Variants in NPR1 observed in about 807,000 individuals in gnomAD.
NPR1 encodes the protein natriuretic peptide receptor 1.
Under a neutral mutation model 116.9 loss-of-function variants are expected in NPR1, and 57 were observed. That is an observed-to-expected ratio of 0.49 (90% CI 0.39 to 0.61). The LOEUF (loss-of-function observed/expected upper bound fraction) is 0.61. Ranked by LOEUF, NPR1 falls within the 20% of genes least tolerant of loss-of-function variation. NPR1 has a pLI of 0.00. For missense variants in NPR1, 1,096 were observed against 1,409.8 expected (o/e 0.78, Z 3.56); for synonymous variants, 555 against 601.6 (o/e 0.92, Z 1.13).
intron 20 of NPR1, among the ~76,000 whole-genome samples, chr1:153,691,518 C>T (rs1017908103): frequency 2.6e-5 from 4 of 152,126 alleles, no homozygotes; most frequent in Admixed American, 6.6e-5. Context: ...GGATCTAGTT[C>T]GGCAAATATT....
At position 153,682,604 on chromosome 1, in the gene NPR1, C is replaced by A. The variant is rs773559889; in HGVS notation, c.1263+15C>A. ...GTGCCTTCAGGGTAAGTTTGTGCAC[C>A]CAGAAGACAGTGCCAATTCCAAATG... On this transcript the variant is annotated intron_variant, in intron 5 of 21. Transcript: ENST00000368680. 4 of 1,595,676 alleles carry A rather than the reference C, an allele frequency of 2.5e-6. No homozygotes were observed. Among genetic ancestry groups the A allele is most frequent in the Non-Finnish European group, 3.4e-6 (4 of 1,163,548 alleles).
chr1:153,679,504 G>T lies in NPR1; in HGVS notation c.396G>T (p.Trp132Cys). The change falls in exon 1 of 22, where the codon TGG becomes TGT. Residue 132 changes from tryptophan (W) to cysteine (C), a missense_variant. Coordinates refer to ENST00000368680, the MANE Select transcript of NPR1 (RefSeq NM_000906.4). This position sits in a 1 kb window ranked among gnomAD's most constrained non-coding sequence, Gnocchi z 4.2. The stretch of plus-strand genomic sequence containing the variant: ...CAGTGGGGCGCTTCACCGCGCACTG[G>T]CGGGTCCCGCTGCTGACCGCCGGCG... Reference protein sequence around the residue: ...AAPVGRFTAHWRVPLLTAGAP... With the variant: ...AAPVGRFTAHCRVPLLTAGAP... 6.5e-7 allele frequency: 1 copy of T among 1,536,620 alleles called. No individual in the cohort carries two copies.
chr1:153,684,390 T>C (rs889582843), intron 7 of NPR1, among the ~76,000 whole-genome samples: 32 of 128,708 alleles, frequency 2.5e-4, no homozygotes, highest in East Asian at 6.7e-4. Flanking sequence ...TTCTTTCTTT[T>C]TTTTTTTTTT....
rs928552363 is a variant in NPR1 at position 153,688,892 on chromosome 1, C to T, written c.2418-61C>T. 23 of 1,573,380 alleles carry T rather than the reference C, an allele frequency of 1.5e-5. No homozygotes were observed. In the African/African-American group the frequency reaches 2.0e-4, roughly 13 times the overall value. ...GGAGGGGGAAGTGCCTAGGGGCGGG[C>T]GCTCACGGTAGGCTGTGCTGCTCCT... On this transcript the variant is annotated intron_variant, in intron 15 of 21. Coordinates refer to ENST00000368680, the MANE Select transcript of NPR1 (RefSeq NM_000906.4).
At chr1:153,686,246 G>A in intron 10 of NPR1, 46 bp downstream of exon 10, 2 of 1,566,622 alleles carry the variant, frequency 1.3e-6, no homozygotes, top group Non-Finnish European at 8.8e-7. Context: ...GGCCCTCGGG[G>A]ACGCAAGGGA....
intron 10 of NPR1, among the ~76,000 whole-genome samples, chr1:153,686,445 G>A (rs1040104932): frequency 7.9e-5 from 12 of 152,058 alleles, no homozygotes; most frequent in African/African-American, 2.7e-4. Context: ...GGGGAGAGAG[G>A]GCTTAGGATG....
chr1:153,689,045 C>T lies in NPR1; in HGVS notation c.2510C>T (p.Ala837Val), dbSNP rs1348006342. Residue 837 changes from alanine (A) to valine (V), a missense_variant, in exon 16 of 22, where the codon GCA becomes GTA. Ala to Val is a moderately conservative substitution (Grantham distance 64). Transcript: ENST00000368680. The surrounding 1 kb of genome is among the most constrained non-coding windows in gnomAD (Gnocchi z 5.1). ...GAACTGGTGGAGGAGCGGACCCAGG[C>T]ATACCTGGAGGAGAAGCGCAAGGCT... Reference protein sequence around the residue: ...LEELVEERTQAYLEEKRKAEA... With the variant: ...LEELVEERTQVYLEEKRKAEA... The T allele has an allele frequency of 4.3e-6, 7 of 1,614,234 alleles. No homozygotes were observed. Among genetic ancestry groups the T allele is most frequent in the Non-Finnish European group, 5.9e-6 (7 of 1,180,036 alleles).
intron 4 of NPR1, among the ~76,000 whole-genome samples, chr1:153,682,062 C>CTT (rs111794974): frequency 6.7e-6 from 1 of 148,646 alleles, no homozygotes; most frequent in Non-Finnish European, 1.5e-5. Context: ...TTTCTTTTTT[C>CTT]TTTTTTTTTT....
chr1:153,693,295 T>C, intron 21 of NPR1, 57 bp from the exon 22 acceptor site: 7 of 1,605,308 alleles, frequency 4.4e-6, no homozygotes, highest in African/African-American at 2.7e-5. Context: ...AAGGCTCTCA[T>C]CTGACTGGGG....
Position 153,684,964 on chromosome 1 carries a change from G to A in NPR1, c.1485G>A (p.Arg495=), listed in dbSNP as rs747741883. Residue 495 remains arginine (R), a splice_region_variant and synonymous_variant, in exon 8 of 22, where the codon AGG becomes AGA. Coordinates refer to ENST00000368680, the MANE Select transcript of NPR1 (RefSeq NM_000906.4). The part of the protein sequence containing the change: ...GILIVSFFIY[R]KMQLEKELAS... ...CTCAGATGCAGCCTTCGTATCCCAG[G>A]AAGATGCAGCTGGAGAAGGAACTGG... is the stretch of plus-strand genomic sequence containing the variant. The A allele has an allele frequency of 3.3e-5, 53 of 1,613,948 alleles. No homozygotes were observed. Among genetic ancestry groups the A allele is most frequent in the Middle Eastern group, 1.6e-4 (1 of 6,070 alleles).
At chr1:153,683,279 G>A in intron 5 of NPR1, 97 bp from the exon 6 acceptor site, 1 of 1,404,106 alleles carries the variant, frequency 7.1e-7, no homozygotes, top group Non-Finnish European at 9.6e-7. Context: ...GTAGGCTCTA[G>A]AAGCAGAGCT....
chr1:153,688,560 G>A (rs939493992), intron 15 of NPR1, among the ~76,000 whole-genome samples: 8 of 151,986 alleles, frequency 5.3e-5, no homozygotes, highest in Admixed American at 2.0e-4. Context: ...GGCCCTCCAC[G>A]GGAGCTCCTG....
Position 153,693,213 on chromosome 1 carries a change from T to A in NPR1, c.3123+16T>A, listed in dbSNP as rs777618547. 1 of 1,612,264 alleles carries A rather than the reference T, an allele frequency of 6.2e-7. No homozygotes were observed. Among genetic ancestry groups the A allele is most frequent in the Non-Finnish European group, 8.5e-7 (1 of 1,178,404 alleles). On this transcript the variant is annotated intron_variant, in intron 21 of 21. Coordinates refer to ENST00000368680, the MANE Select transcript of NPR1 (RefSeq NM_000906.4). ...AGAAATGAAGGTAGAGGGAGAAGCC[T>A]CTGCCCTCCCCACCTTTTGGGGTCC... is the stretch of plus-strand genomic sequence containing the variant.
chr1:153,689,691 G>GCA lies in NPR1; in HGVS notation c.2758-115_2758-114insCA. On this transcript the variant is annotated intron_variant, in intron 18 of 21. Transcript: ENST00000368680. The surrounding 1 kb of genome is among the most constrained non-coding windows in gnomAD (Gnocchi z 5.1). ...AGGCAGAGAACCCATGTGGGATGGG[G>GCA]GATGAGCAAAGACAGATGAGGGTAC... 1 of 1,276,610 alleles carries GCA rather than the reference G, an allele frequency of 7.8e-7. No homozygotes were observed. Among genetic ancestry groups the GCA allele is most frequent in the Non-Finnish European group, 1.1e-6 (1 of 922,474 alleles). The allele number at this position is 1,276,610 out of a possible 1,614,324, so 79.1% of individuals were successfully genotyped here.
chr1:153,685,829 G>A lies in NPR1; in HGVS notation c.1629G>A (p.Leu543=). The change falls in exon 9 of 22, where the codon CTG becomes CTA. Residue 543 remains leucine, a synonymous_variant. Coordinates refer to ENST00000368680, the MANE Select transcript of NPR1 (RefSeq NM_000906.4). Reference sequence around the variant, plus strand: ...AGAGAGGCTCCAATTACGGCTCCCTGCTAACCACAGAGGGCCAGTTCCAAG... The same window carrying A: ...AGAGAGGCTCCAATTACGGCTCCCTACTAACCACAGAGGGCCAGTTCCAAG... The part of the protein sequence containing the change: ...LSGRGSNYGS[L]LTTEGQFQVF... 6.2e-7 allele frequency: 1 copy of A among 1,614,154 alleles called. No homozygotes were observed. The highest frequency in any genetic ancestry group is 1.1e-5 in the South Asian group (1 of 91,090).
At chr1:153,686,828 A>G (rs921249010) in intron 11 of NPR1, 78 bp downstream of exon 11, 128 of 1,393,452 alleles carry the variant, frequency 9.2e-5, no homozygotes, top group Admixed American at 7.3e-5. Flanking sequence ...GACCCCAGGC[A>G]TGCCTCGCCC....
Position 153,689,378 on chromosome 1 carries a change from T to A in NPR1, c.2688+67T>A. 1 of 1,613,986 alleles carries A rather than the reference T, an allele frequency of 6.2e-7. No homozygotes were observed. Among genetic ancestry groups the A allele is most frequent in the Non-Finnish European group, 8.5e-7 (1 of 1,179,868 alleles). Reference sequence around the variant, plus strand: ...TCTGGATCCCACCAGACCTGCCTTCTGGTTCTGCTTTACCCACCTGACCCC... The same window carrying A: ...TCTGGATCCCACCAGACCTGCCTTCAGGTTCTGCTTTACCCACCTGACCCC... On this transcript the variant is annotated intron_variant, in intron 17 of 21. Coordinates refer to ENST00000368680, the MANE Select transcript of NPR1 (RefSeq NM_000906.4). The surrounding 1 kb of genome is among the most constrained non-coding windows in gnomAD (Gnocchi z 5.1).
rs1000843871 is a variant in NPR1, at chr1:153,679,955, A to G, written c.721+126A>G. 3 of 1,296,810 alleles carry G rather than the reference A, an allele frequency of 2.3e-6. No individual in the cohort carries two copies. The South Asian group carries it at 4.3e-5, about 18-fold the overall frequency. 80.3% of individuals were successfully genotyped at this position (1,296,810 alleles called of 1,614,324 possible). ...CTTTCTCCTCGCCGTTCTTCATTCT[A>G]CTTTCAGCTCCCTGGCCCTTTCTAC... On this transcript the variant is annotated intron_variant, in intron 1 of 21. Coordinates refer to ENST00000368680, the MANE Select transcript of NPR1 (RefSeq NM_000906.4). The surrounding 1 kb of genome is among the most constrained non-coding windows in gnomAD (Gnocchi z 4.2).
rs377055058 is a variant in NPR1 at position 153,681,762 on chromosome 1, C to T, written c.1094C>T (p.Thr365Met). Residue 365 changes from threonine to methionine, a missense_variant, in exon 4 of 22, where the codon ACG becomes ATG. Thr to Met is a moderately conservative substitution (Grantham distance 81, BLOSUM62 -1). Coordinates refer to ENST00000368680, the MANE Select transcript of NPR1 (RefSeq NM_000906.4). ...CTCCTGCTCTATATCCAGGCAGTGACGGAGACTCTGGCACATGGGGGAACT... is the reference window on the plus strand; with the variant it reads ...CTCCTGCTCTATATCCAGGCAGTGATGGAGACTCTGGCACATGGGGGAACT... Reference protein sequence around the residue: ...DGLLLYIQAVTETLAHGGTVT... With the variant: ...DGLLLYIQAVMETLAHGGTVT... The T allele has an allele frequency of 1.7e-5, 27 of 1,613,986 alleles. No individual in the cohort carries two copies. Among genetic ancestry groups the T allele is most frequent in the African/African-American group, 8.0e-5 (6 of 75,000 alleles).
Sources: gnomAD v4.1 joint callset for allele counts (sites outside exome capture counted in the v4.1 genomes callset) on GRCh38, gnomAD v4.1.1 for gene constraint, Gnocchi (gnomAD v3.1) non-coding constraint, MANE v1.5 for transcripts, NCBI Gene and HGNC (gene_info 2026-07-23, HGNC 2026-07-21) for gene names.